KCNIP4: variants seen among roughly 807,000 people sequenced by gnomAD.
KCNIP4 encodes the protein potassium voltage-gated channel interacting protein 4.
Under a neutral mutation model 34.0 loss-of-function variants are expected in KCNIP4, and 12 were observed. That is an observed-to-expected ratio of 0.35 (90% CI 0.23 to 0.57). KCNIP4 has a LOEUF of 0.57. Among genes scored for constraint, KCNIP4 ranks in the 20% least tolerant of loss-of-function variants. KCNIP4 has a pLI of 0.83. For missense variants in KCNIP4, 238 were observed against 311.7 expected (o/e 0.76, Z 1.78); for synonymous variants, 124 against 102.2 (o/e 1.21, Z -1.29).
At chr4:21,684,491 T>A (rs2109029900) in intron 1 of KCNIP4, among the ~76,000 whole-genome samples, 1 of 152,328 alleles carries the variant, frequency 6.6e-6, no homozygotes, top group South Asian at 2.1e-4. Flanking sequence ...CGCAAATCTG[T>A]TATGCTTTTA....
At chr4:21,618,640 T>G (rs1480433111) in intron 1 of KCNIP4, among the ~76,000 whole-genome samples, 3 of 141,242 alleles carry the variant, frequency 2.1e-5, no homozygotes, top group Non-Finnish European at 4.6e-5. Flanking sequence ...CTTTTTTTTT[T>G]TTTTTTTTTT....
At chr4:21,080,013 G>T (rs907466490) in intron 1 of KCNIP4, among the ~76,000 whole-genome samples, 5 of 151,870 alleles carry the variant, frequency 3.3e-5, no homozygotes, top group African/African-American at 1.2e-4. Context: ...AAAACTGAAA[G>T]ATAGTAAATT....
intron 1 of KCNIP4, among the ~76,000 whole-genome samples, chr4:21,064,533 T>C (rs1744187773): frequency 6.6e-6 from 1 of 152,194 alleles, no homozygotes; most frequent in African/African-American, 2.4e-5. Flanking sequence ...GTAAGTGGTT[T>C]ACCATTTATG....
chr4:21,245,840 G>A (rs1760160160), intron 1 of KCNIP4, among the ~76,000 whole-genome samples: 1 of 151,990 alleles, frequency 6.6e-6, no homozygotes, highest in Non-Finnish European at 1.5e-5. Flanking sequence ...ACGTAGCTAG[G>A]GTGTCATCTG....
intron 3 of KCNIP4, among the ~76,000 whole-genome samples, chr4:20,809,660 T>A (rs548459275): frequency 6.6e-6 from 1 of 152,228 alleles, no homozygotes; most frequent in African/African-American, 2.4e-5. Flanking sequence ...CTGGAAGTCA[T>A]AGGGTGCATT....
Position 21,342,343 on chromosome 4 carries a change from A to G in KCNIP4, c.62-459634T>C, listed in dbSNP as rs138268595. On this transcript the variant is annotated intron_variant, in intron 1 of 8. Coordinates refer to ENST00000382152, the MANE Select transcript of KCNIP4 (RefSeq NM_025221.6). ...AAATAATTGAACGTCTTGCATACAT[A>G]TATAATATATACAGCATAGGAAAAA... Among the ~76,000 whole-genome samples the G allele has an allele frequency of 3.0e-3, 462 of 152,276 alleles. 3 individuals carry two copies. The highest frequency in any genetic ancestry group is 5.6e-3 in the African/African-American group (231 of 41,562).
intron 1 of KCNIP4, among the ~76,000 whole-genome samples, chr4:21,138,775 T>C (rs1751708120): frequency 6.6e-6 from 1 of 151,838 alleles, no homozygotes; most frequent in Admixed American, 6.6e-5. Context: ...AGGCTGAGTG[T>C]CAGGGCAATG....
chr4:21,326,143 G>A (rs1039886429), intron 1 of KCNIP4, among the ~76,000 whole-genome samples: 1 of 151,756 alleles, frequency 6.6e-6, no homozygotes, highest in Non-Finnish European at 1.5e-5. Flanking sequence ...ATGTTTCTTT[G>A]TTGATTTTCT....
intron 3 of KCNIP4, among the ~76,000 whole-genome samples, chr4:20,814,848 G>C (rs1716189665): frequency 6.6e-6 from 1 of 152,104 alleles, no homozygotes; most frequent in Non-Finnish European, 1.5e-5. Context: ...CAGAGATACA[G>C]AAAAAAACAA....
rs545604868 is a variant in KCNIP4, at chr4:21,234,705, T to A, written c.62-351996A>T. Among the ~76,000 whole-genome samples, 6 of 150,658 alleles carry A rather than the reference T, an allele frequency of 4.0e-5. No individual in the cohort carries two copies. In the East Asian group the frequency reaches 1.2e-3, roughly 29 times the overall value. Reference sequence around the variant, plus strand: ...CACTGTCACCCAGGCTGGAGTACAGTGGTGCAATCTCAGCTCACCACAACC... The same window carrying A: ...CACTGTCACCCAGGCTGGAGTACAGAGGTGCAATCTCAGCTCACCACAACC... On this transcript the variant is annotated intron_variant, in intron 1 of 8. Transcript: ENST00000382152.
In KCNIP4 at chr4:21,106,295, A is replaced by T. The variant is rs150533536; in HGVS notation, c.62-223586T>A. 4.0e-3 allele frequency among the ~76,000 whole-genome samples: 600 copies of T among 151,820 alleles called. 23 individuals carry two copies. The highest frequency in any genetic ancestry group is 0.014 in the African/African-American group (577 of 41,084). On this transcript the variant is annotated intron_variant, in intron 1 of 8. Coordinates refer to ENST00000382152, the MANE Select transcript of KCNIP4 (RefSeq NM_025221.6). ...GAGCCTCTTATTGATCTATTCAGAG[A>T]TTCAGCCTCTTCCTCGTTTAGTCTT...
At chr4:21,056,757 A>C (rs932421857) in intron 1 of KCNIP4, among the ~76,000 whole-genome samples, 2 of 152,122 alleles carry the variant, frequency 1.3e-5, no homozygotes, top group Non-Finnish European at 2.9e-5. Context: ...GGTGGTATGG[A>C]CTGAATGTTT....
chr4:21,304,089 G>GAC (rs1712128978), intron 1 of KCNIP4: 1 of 302,830 alleles, frequency 3.3e-6, no homozygotes, highest in Non-Finnish European at 5.0e-6. Flanking sequence ...GAGAGAGACA[G>GAC]AGAGAGAGAG....
chr4:21,765,339 T>C (rs1718339657), intron 1 of KCNIP4, among the ~76,000 whole-genome samples: 4 of 152,094 alleles, frequency 2.6e-5, no homozygotes, highest in South Asian at 4.2e-4. Context: ...AGTGGTCTTA[T>C]TAACTATGTT....
chr4:20,889,660 T>C (rs34806671), intron 1 of KCNIP4, among the ~76,000 whole-genome samples: 21,281 of 151,982 alleles, frequency 0.14, 1,651 homozygotes, highest in South Asian at 0.22. Context: ...GAAGGGCTGA[T>C]ATTTTAAGTT....
At chr4:21,397,486 G>A (rs776922993) in intron 1 of KCNIP4, among the ~76,000 whole-genome samples, 46 of 151,970 alleles carry the variant, frequency 3.0e-4, no homozygotes, top group African/African-American at 2.7e-4. Flanking sequence ...AAACCACCAC[G>A]GCACACATTT....
At chr4:21,457,496 C>T (rs1396363206) in intron 1 of KCNIP4, among the ~76,000 whole-genome samples, 9 of 152,032 alleles carry the variant, frequency 5.9e-5, no homozygotes, top group Admixed American at 1.3e-4. Flanking sequence ...CTGAGCTTCT[C>T]CATCCATAAA....
chr4:20,802,594 T>G (rs933747225), intron 3 of KCNIP4, among the ~76,000 whole-genome samples: 1 of 152,092 alleles, frequency 6.6e-6, no homozygotes, highest in Non-Finnish European at 1.5e-5. Context: ...ATAGACCATA[T>G]TTTAGGCCAC....
chr4:21,749,598 C>T (rs1487833800), intron 1 of KCNIP4, among the ~76,000 whole-genome samples: 1 of 152,116 alleles, frequency 6.6e-6, no homozygotes, highest in Non-Finnish European at 1.5e-5. Context: ...CCCACCCAAT[C>T]CTGGATGAGT....
Sources: gnomAD v4.1 joint callset for allele counts (sites outside exome capture counted in the v4.1 genomes callset) on GRCh38, gnomAD v4.1.1 for gene constraint, MANE v1.5 for transcripts, NCBI Gene and HGNC (gene_info 2026-07-23, HGNC 2026-07-21) for gene names.